Variants in CCDC178 observed in about 807,000 individuals in gnomAD.
CCDC178 encodes coiled-coil domain-containing protein 178.
Under a neutral mutation model 117.4 loss-of-function variants are expected in CCDC178, and 126 were observed. That is an observed-to-expected ratio of 1.07 (90% CI 0.93 to 1.24). CCDC178 has a LOEUF of 1.24. Among genes scored for constraint, CCDC178 ranks in the 50% most tolerant of loss-of-function variants. The pLI, the probability that CCDC178 is intolerant of heterozygous loss-of-function variation, is 0.00. For missense variants in CCDC178, 1,030 were observed against 986.9 expected (o/e 1.04, Z -0.59); for synonymous variants, 283 against 313.4 (o/e 0.90, Z 1.02).
intron 22 of CCDC178, among the ~76,000 whole-genome samples, chr18:32,948,966 A>G (rs1014585508): frequency 8.6e-5 from 13 of 151,950 alleles, no homozygotes; most frequent in African/African-American, 3.1e-4. Flanking sequence ...CAACTTTTGT[A>G]TGTCTGTAAA....
At chr18:33,291,890 A>G (rs1238761555) in intron 12 of CCDC178, among the ~76,000 whole-genome samples, 1 of 152,162 alleles carries the variant, frequency 6.6e-6, no homozygotes, top group Non-Finnish European at 1.5e-5. Context: ...TAGAATGGGT[A>G]CTATCAAAAA....
intron 10 of CCDC178, among the ~76,000 whole-genome samples, chr18:33,329,689 G>A (rs2062637016): frequency 6.6e-6 from 1 of 152,036 alleles, no homozygotes; most frequent in Non-Finnish European, 1.5e-5. Flanking sequence ...CTAGATTTGG[G>A]TTGCTAGGAT....
intron 20 of CCDC178, among the ~76,000 whole-genome samples, chr18:33,209,260 G>C (rs1568057430): frequency 6.6e-6 from 1 of 151,970 alleles, no homozygotes; most frequent in East Asian, 1.9e-4. Flanking sequence ...GCCTACTGAA[G>C]AGAGATCAAA....
chr18:33,286,615 T>C (rs2060101449), intron 12 of CCDC178, among the ~76,000 whole-genome samples: 1 of 152,172 alleles, frequency 6.6e-6, no homozygotes, highest in Non-Finnish European at 1.5e-5. Context: ...TAGGCCAATA[T>C]GTTAGTAATG....
chr18:33,349,268 A>G (rs769501126), intron 7 of CCDC178, among the ~76,000 whole-genome samples: 1 of 151,956 alleles, frequency 6.6e-6, no homozygotes. Flanking sequence ...TGTTTCTGTA[A>G]GACAAAGGGT....
intron 9 of CCDC178, among the ~76,000 whole-genome samples, chr18:33,343,000 A>AC (rs1172060444): frequency 2.0e-5 from 3 of 151,920 alleles, no homozygotes; most frequent in African/African-American, 7.3e-5. Context: ...TTTCTGTCTC[A>AC]CCCCCTGGGG....
At chr18:33,359,162 T>C (rs772281057) in intron 6 of CCDC178, among the ~76,000 whole-genome samples, 1 of 151,816 alleles carries the variant, frequency 6.6e-6, no homozygotes, top group Non-Finnish European at 1.5e-5. Flanking sequence ...TGTGATATAA[T>C]TATCCAAAAC....
intron 18 of CCDC178, 56 bp from the exon 19 acceptor site, chr18:33,215,751 G>T: frequency 7.8e-7 from 1 of 1,285,400 alleles, no homozygotes; most frequent in Non-Finnish European, 1.1e-6. Flanking sequence ...TCAAATCCCT[G>T]CTATTTAGGA....
chr18:33,352,264 A>T (rs545297564), intron 7 of CCDC178, among the ~76,000 whole-genome samples: 1 of 152,024 alleles, frequency 6.6e-6, no homozygotes, highest in East Asian at 1.9e-4. Context: ...AATCTGTTGT[A>T]GTGTCCCAGT....
chr18:33,278,177 C>T (rs910495571), intron 12 of CCDC178, among the ~76,000 whole-genome samples: 17 of 150,070 alleles, frequency 1.1e-4, no homozygotes, highest in African/African-American at 3.9e-4. Context: ...TTTTTTTGGA[C>T]CTTTGAAACT....
intron 11 of CCDC178, 65 bp from the exon 12 acceptor site, chr18:33,293,377 T>A: frequency 1.9e-6 from 2 of 1,053,232 alleles, no homozygotes; most frequent in Non-Finnish European, 2.7e-6. Context: ...AAATTATACT[T>A]AGGCCAGGCT....
chr18:33,307,477 G>C (rs955530595), intron 11 of CCDC178, among the ~76,000 whole-genome samples: 3 of 152,212 alleles, frequency 2.0e-5, no homozygotes, highest in African/African-American at 2.4e-5. Flanking sequence ...AAGTGGCAAA[G>C]CATTCAAGAA....
Position 33,176,878 on chromosome 18 carries a change from G to A in CCDC178, c.2238+35018C>T, listed in dbSNP as rs115475303. On this transcript the variant is annotated intron_variant, in intron 20 of 22. Transcript: ENST00000383096. ...TACTACACATTCAAGGTCTATAAGT[G>A]AATCTGTTTCCTCAATGCTTCGTCT... Among the ~76,000 whole-genome samples the A allele has an allele frequency of 5.3e-3, 812 of 152,188 alleles. 7 individuals are homozygous for A. The highest frequency in any genetic ancestry group is 0.019 in the African/African-American group (790 of 41,530).
intron 21 of CCDC178, among the ~76,000 whole-genome samples, chr18:33,041,535 T>C (rs1489647927): frequency 1.3e-5 from 2 of 151,148 alleles, no homozygotes; most frequent in East Asian, 3.9e-4. Flanking sequence ...AGTTACTAAA[T>C]CCGTTAATAA....
intron 17 of CCDC178, among the ~76,000 whole-genome samples, chr18:33,223,925 T>G (rs16964449): frequency 0.047 from 7,167 of 152,240 alleles, 247 homozygotes; most frequent in East Asian, 0.12. Context: ...CCATGCTTCA[T>G]GACCTTATAC....
chr18:33,340,292 C>G (rs1266475706), intron 9 of CCDC178, among the ~76,000 whole-genome samples: 1 of 152,046 alleles, frequency 6.6e-6, no homozygotes, highest in Middle Eastern at 3.2e-3. Context: ...TGGAAGAAAC[C>G]CTAAGCAGCG....
intron 21 of CCDC178, 99 bp from the exon 22 acceptor site, chr18:32,974,780 T>C: frequency 8.4e-7 from 1 of 1,192,822 alleles, no homozygotes; most frequent in Non-Finnish European, 1.2e-6. Flanking sequence ...TAGAAAGCAG[T>C]CAATAGCCCA....
At chr18:33,321,975 C>A (rs1051610438) in intron 11 of CCDC178, among the ~76,000 whole-genome samples, 1 of 151,780 alleles carries the variant, frequency 6.6e-6, no homozygotes, top group Admixed American at 6.6e-5. Context: ...GCTAGTACAA[C>A]TGTATTCATG....
chr18:33,151,452 C>T (rs1450170890), intron 20 of CCDC178, among the ~76,000 whole-genome samples: 1 of 151,978 alleles, frequency 6.6e-6, no homozygotes, highest in African/African-American at 2.4e-5. Flanking sequence ...AGCTTAAATA[C>T]AAACAAGACT....
Sources: allele counts gnomAD v4.1 joint callset (sites outside exome capture counted in the v4.1 genomes callset), GRCh38; gene constraint gnomAD v4.1.1; transcripts MANE v1.5; gene names NCBI Gene and HGNC (gene_info 2026-07-23, HGNC 2026-07-21).